DNASE2B: variants seen among roughly 807,000 people sequenced by gnomAD.
DNASE2B encodes the protein deoxyribonuclease 2 beta.
Under a neutral mutation model 46.0 loss-of-function variants are expected in DNASE2B, and 43 were observed. The observed-to-expected ratio is 0.94, with a 90% confidence interval of 0.73 to 1.21. DNASE2B has a LOEUF of 1.21. DNASE2B is among the 50% of genes most tolerant of loss of function. DNASE2B has a pLI of 0.00. For synonymous variants in DNASE2B, 156 were observed against 152.5 expected, an observed-to-expected ratio of 1.02 and a Z score of -0.17; for missense variants, 395 against 414.4, an observed-to-expected ratio of 0.95 and a Z score of 0.41.
In DNASE2B at chr1:84,414,644, A is replaced by G; in HGVS notation, c.862A>G (p.Ile288Val). The G allele has an allele frequency of 6.2e-7, 1 of 1,614,154 alleles. No individual in the cohort carries two copies. Among genetic ancestry groups the G allele is most frequent in the Admixed American group, 1.7e-5 (1 of 60,024 alleles). The change falls in exon 6 of 6, where the codon ATA (isoleucine) becomes GTA (valine). Residue 288 changes from isoleucine (I) to valine (V), a missense_variant. Ile to Val is a conservative substitution (Grantham distance 29, BLOSUM62 3). Transcript: ENST00000370665. ...NCSLPYHVYN[I>V]KAIKLSRHSY... is the part of the protein sequence containing the mutation. Reference sequence around the variant, plus strand: ...CTCCCTTCCTTACCATGTCTACAATATAAAAGCAATTAAATTATCACGACA... The same window carrying G: ...CTCCCTTCCTTACCATGTCTACAATGTAAAAGCAATTAAATTATCACGACA...
rs200167839 is a variant in DNASE2B, at chr1:84,408,479, A to T, written c.346A>T (p.Lys116Ter). ...TCTAATATACAATGATGGAGTCCCT[A>T]AACCTGTGAATTACAGCAGAAAGTA... The part of the protein sequence containing the change: ...AYLIYNDGVP[K>*]PVNYSRKYGH... Residue 116 changes from lysine (K) to a stop codon, truncating the protein, a stop_gained, in exon 3 of 6, where the codon AAA becomes TAA. Transcript: ENST00000370665. LOFTEE classifies it high-confidence loss of function. The T allele has an allele frequency of 6.9e-4, 1,118 of 1,611,550 alleles. 4 individuals carry two copies. The highest frequency in any genetic ancestry group is 5.8e-4 in the Non-Finnish European group (678 of 1,178,556).
intron 3 of DNASE2B, among the ~76,000 whole-genome samples, chr1:84,409,900 A>C (rs1466933366): frequency 6.6e-6 from 1 of 152,230 alleles, no homozygotes; most frequent in Non-Finnish European, 1.5e-5. Flanking sequence ...AAGGTTATCC[A>C]GTTCTGTTAC....
chr1:84,402,479 T>C (rs1286769640), intron 2 of DNASE2B, among the ~76,000 whole-genome samples: 1 of 152,230 alleles, frequency 6.6e-6, no homozygotes, highest in Non-Finnish European at 1.5e-5. Context: ...GTTTATATCA[T>C]GGTGTTGATC....
chr1:84,414,982 C>A lies in DNASE2B; in HGVS notation c.*114C>A. On this transcript the variant is annotated 3_prime_UTR_variant, in exon 6 of 6. Coordinates refer to ENST00000370665, the MANE Select transcript of DNASE2B (RefSeq NM_021233.3). Reference sequence around the variant, plus strand: ...GAATATACTTATAACCTGCATATCACAAAATAAAACATTTTTCTCTCATGT... The same window carrying A: ...GAATATACTTATAACCTGCATATCAAAAAATAAAACATTTTTCTCTCATGT... 1 of 701,192 alleles carries A rather than the reference C, an allele frequency of 1.4e-6. No individual in the cohort carries two copies. Among genetic ancestry groups the A allele is most frequent in the Non-Finnish European group, 2.3e-6 (1 of 437,198 alleles). 43.4% of individuals were successfully genotyped at this position (701,192 alleles called of 1,614,324 possible).
At chr1:84,412,322 ACTTTT>A (rs1680612559) in intron 4 of DNASE2B, 22 bp from the exon 5 acceptor site, 1 of 1,472,152 alleles carries the variant, frequency 6.8e-7, no homozygotes. Flanking sequence ...TTAATTCTCA[ACTTTT>A]CTTTACTGTT....
At chr1:84,406,449 C>G (rs779246394) in intron 2 of DNASE2B, among the ~76,000 whole-genome samples, 11 of 152,148 alleles carry the variant, frequency 7.2e-5, no homozygotes, top group Admixed American at 1.3e-4. Context: ...CACAGTTAAA[C>G]TGCTCTGCTA....
chr1:84,398,636 G>A lies in DNASE2B; in HGVS notation c.72G>A (p.Val24=). Reference sequence around the variant, plus strand: ...TGCTCTTCCTTGGCCTCTTTGGGGTGCTGGGGGCAGCAACAATTTCATGCA... The same window carrying A: ...TGCTCTTCCTTGGCCTCTTTGGGGTACTGGGGGCAGCAACAATTTCATGCA... ...FALLFLGLFG[V]LGAATISCRN... is the part of the protein sequence containing the mutation. The change falls in exon 1 of 6, where the codon GTG becomes GTA. Residue 24 remains valine (V), a synonymous_variant. Transcript: ENST00000370665. 1 of 1,613,896 alleles carries A rather than the reference G, an allele frequency of 6.2e-7. No individual in the cohort carries two copies. The highest frequency in any genetic ancestry group is 1.7e-5 in the Admixed American group (1 of 60,010).
At chr1:84,413,203 T>A (rs1263131972) in intron 5 of DNASE2B, among the ~76,000 whole-genome samples, 1 of 152,130 alleles carries the variant, frequency 6.6e-6, no homozygotes, top group African/African-American at 2.4e-5. Context: ...GCTCTATTTT[T>A]CCTTTTCTTT....
chr1:84,411,136 C>A, intron 4 of DNASE2B, 137 bp downstream of exon 4: 1 of 1,116,662 alleles, frequency 9.0e-7, no homozygotes, highest in Non-Finnish European at 1.3e-6. Context: ...ACTGGCTTTG[C>A]CATGGTGAGG....
At chr1:84,400,203 T>C (rs1423850506) in intron 1 of DNASE2B, among the ~76,000 whole-genome samples, 1 of 152,068 alleles carries the variant, frequency 6.6e-6, no homozygotes, top group Non-Finnish European at 1.5e-5. Flanking sequence ...ACCCCATCTT[T>C]ACTAAAAATA....
chr1:84,401,801 T>A, intron 1 of DNASE2B, 100 bp from the exon 2 acceptor site: 1 of 947,356 alleles, frequency 1.1e-6, no homozygotes, highest in Non-Finnish European at 1.5e-6. Flanking sequence ...AGGCCTTCCA[T>A]GAAACAGAAA....
At chr1:84,399,027 C>G (rs753821006) in intron 1 of DNASE2B, among the ~76,000 whole-genome samples, 1 of 152,192 alleles carries the variant, frequency 6.6e-6, no homozygotes, top group Non-Finnish European at 1.5e-5. Context: ...CAGAACACTT[C>G]CAACATCCTT....
rs1468738009 is a variant in DNASE2B at position 84,398,487 on chromosome 1, GC to G, written c.-76del. ...CAGGTAAATCAAATCAAACGTCAGA[GC>G]CAGCACAGCCTGAGAGCGCCTTGAA... On this transcript the variant is annotated 5_prime_UTR_variant, in exon 1 of 6. Transcript: ENST00000370665. The G allele has an allele frequency of 6.3e-7, 1 of 1,576,724 alleles. No individual in the cohort carries two copies. Among genetic ancestry groups the G allele is most frequent in the Non-Finnish European group, 8.6e-7 (1 of 1,158,218 alleles).
intron 4 of DNASE2B, among the ~76,000 whole-genome samples, chr1:84,411,720 G>A (rs111851032): frequency 9.2e-5 from 14 of 152,202 alleles, no homozygotes; most frequent in African/African-American, 3.4e-4. Context: ...AAAGCAACTT[G>A]CCTATAGAAA....
At chr1:84,408,573 A>G (rs777432223) in intron 3 of DNASE2B, 55 bp downstream of exon 3, 6 of 1,480,100 alleles carry the variant, frequency 4.1e-6, no homozygotes, top group Non-Finnish European at 4.6e-6. Context: ...AATTTCTTAA[A>G]TATTTCATCT....
At chr1:84,401,046 C>A (rs1188050666) in intron 1 of DNASE2B, among the ~76,000 whole-genome samples, 1 of 152,134 alleles carries the variant, frequency 6.6e-6, no homozygotes, top group African/African-American at 2.4e-5. Flanking sequence ...ATGTTTGGTG[C>A]ACTGTGAGTG....
intron 5 of DNASE2B, among the ~76,000 whole-genome samples, chr1:84,414,037 TC>T (rs1042131471): frequency 6.6e-6 from 1 of 152,180 alleles, no homozygotes; most frequent in Admixed American, 6.5e-5. Context: ...TTTCCTTTCT[TC>T]TTTCTAACCT....
At position 84,402,091 on chromosome 1, in the gene DNASE2B, G is replaced by C; in HGVS notation, c.303+13G>C. ...ATATGCCTCTAAGGTATGTTATATA[G>C]TTAATTGTTCACTTGAATAATATAA... On this transcript the variant is annotated intron_variant, in intron 2 of 5. Transcript: ENST00000370665. 6.3e-7 allele frequency: 1 copy of C among 1,579,060 alleles called. No individual in the cohort carries two copies. Among genetic ancestry groups the C allele is most frequent in the Non-Finnish European group, 8.6e-7 (1 of 1,169,584 alleles).
Position 84,414,438 on chromosome 1 carries a change from T to A in DNASE2B, c.746-90T>A. The A allele has an allele frequency of 6.2e-6, 7 of 1,129,696 alleles. No individual in the cohort carries two copies. The South Asian group carries it at 1.0e-4, about 16-fold the overall frequency. The allele number at this position is 1,129,696 out of a possible 1,614,324, so 70.0% of individuals were successfully genotyped here. On this transcript the variant is annotated intron_variant, in intron 5 of 5. Coordinates refer to ENST00000370665, the MANE Select transcript of DNASE2B (RefSeq NM_021233.3). ...GCTCGTGACATCCACATATCAGGGG[T>A]GAAAGATGATTTCCATTCCAGAGTA...
Sources: allele counts gnomAD v4.1 joint callset (sites outside exome capture counted in the v4.1 genomes callset), GRCh38; gene constraint gnomAD v4.1.1; transcripts MANE v1.5; gene names NCBI Gene and HGNC (gene_info 2026-07-23, HGNC 2026-07-21).